Variants in WDFY2 observed in about 807,000 individuals in gnomAD.
The protein encoded by WDFY2 is WD repeat and FYVE domain-containing protein 2.
Under a neutral mutation model 56.4 loss-of-function variants are expected in WDFY2, and 36 were observed. The observed-to-expected ratio is 0.64, with a 90% confidence interval of 0.49 to 0.84. The LOEUF (loss-of-function observed/expected upper bound fraction) is 0.84, where lower values mean the gene tolerates loss of function less well. WDFY2 is among the 40% of genes least tolerant of loss of function. The probability of loss-of-function intolerance (pLI) is 0.00; values close to 1 mark genes in which losing one functional copy is unlikely to be tolerated. For synonymous variants in WDFY2, 176 were observed against 183.7 expected (o/e 0.96, Z 0.34); for missense variants, 444 against 512.2 (o/e 0.87, Z 1.29).
At position 51,727,662 on chromosome 13, in the gene WDFY2, A is replaced by G. The variant is rs1366222323; in HGVS notation, c.486-16A>G. 4.4e-6 allele frequency: 7 copies of G among 1,608,058 alleles called. No homozygotes were observed. The highest frequency in any genetic ancestry group is 5.9e-6 in the Non-Finnish European group (7 of 1,176,748). ...CATTTAATTTTGAGAAACAATCCTT[A>G]ATGCTTTCATGACAGATTTGATGTT... On this transcript the variant is annotated splice_polypyrimidine_tract_variant and intron_variant, in intron 5 of 11. Coordinates refer to ENST00000298125, the MANE Select transcript of WDFY2 (RefSeq NM_052950.4).
In WDFY2 at chr13:51,727,761, C is replaced by T. The variant is rs762707201; in HGVS notation, c.569C>T (p.Thr190Ile). ...TILKLEQENCTLVTTFRGHTG... is the reference protein window; with the variant it reads ...TILKLEQENCILVTTFRGHTG... ...CTCAAACTGGAGCAAGAAAACTGCA[C>T]CCTGGTCACAACATTCAGAGGACAC... is the stretch of plus-strand genomic sequence containing the variant. The change falls in exon 6 of 12, where the codon ACC becomes ATC. Residue 190 changes from threonine to isoleucine, a missense_variant. Thr to Ile is a moderately conservative substitution (Grantham distance 89). Coordinates refer to ENST00000298125, the MANE Select transcript of WDFY2 (RefSeq NM_052950.4). The T allele has an allele frequency of 6.2e-7, 1 of 1,614,148 alleles. No individual in the cohort carries two copies. Among genetic ancestry groups the T allele is most frequent in the African/African-American group, 1.3e-5 (1 of 75,046 alleles).
chr13:51,731,274 G>T (rs1952717643), intron 6 of WDFY2, among the ~76,000 whole-genome samples: 1 of 152,160 alleles, frequency 6.6e-6, no homozygotes, highest in South Asian at 2.1e-4. Flanking sequence ...TGTGAGTTTT[G>T]TATTGTTGCC....
chr13:51,655,624 A>G (rs778451929), intron 1 of WDFY2, among the ~76,000 whole-genome samples: 3 of 152,150 alleles, frequency 2.0e-5, no homozygotes, highest in African/African-American at 7.2e-5. Context: ...ATCTGTCTTC[A>G]TGAAGATTTA....
intron 1 of WDFY2, among the ~76,000 whole-genome samples, chr13:51,623,159 T>C (rs1954771441): frequency 6.6e-6 from 1 of 151,924 alleles, no homozygotes; most frequent in African/African-American, 2.4e-5. Flanking sequence ...TGCATGGCCT[T>C]AACTGTACAC....
At position 51,602,116 on chromosome 13, in the gene WDFY2, G is replaced by A. The variant is rs566755643; in HGVS notation, c.137+17292G>A. On this transcript the variant is annotated intron_variant, in intron 1 of 11. Transcript: ENST00000298125. ...GAGGAAGTACTTAAGAACTGGGTGGGGCTTTTATCAGTGTGGCCTAACCAA... is the reference window on the plus strand; with the variant it reads ...GAGGAAGTACTTAAGAACTGGGTGGAGCTTTTATCAGTGTGGCCTAACCAA... Among the ~76,000 whole-genome samples, 4 of 152,270 alleles carry A rather than the reference G, an allele frequency of 2.6e-5. No individual in the cohort carries two copies. The South Asian group carries it at 8.3e-4, about 32-fold the overall frequency.
chr13:51,599,634 A>G (rs770608888), intron 1 of WDFY2, among the ~76,000 whole-genome samples: 2 of 152,368 alleles, frequency 1.3e-5, no homozygotes, highest in South Asian at 4.1e-4. Flanking sequence ...TTGGCCAGTC[A>G]GATGTTTCTC....
chr13:51,692,817 A>C (rs1038972136), intron 3 of WDFY2, among the ~76,000 whole-genome samples: 9 of 151,988 alleles, frequency 5.9e-5, no homozygotes, highest in Non-Finnish European at 7.4e-5. Flanking sequence ...GTGAATCCAT[A>C]TGGTCCTGGA....
chr13:51,727,348 T>G (rs1952625753), intron 5 of WDFY2, among the ~76,000 whole-genome samples: 1 of 152,252 alleles, frequency 6.6e-6, no homozygotes, highest in Non-Finnish European at 1.5e-5. Flanking sequence ...TGTTCTTATT[T>G]TCAGAGTATT....
chr13:51,666,828 T>A (rs533631621), intron 2 of WDFY2, among the ~76,000 whole-genome samples: 2 of 152,352 alleles, frequency 1.3e-5, no homozygotes, highest in Admixed American at 1.3e-4. Flanking sequence ...TGGTAGGTAA[T>A]ACATTAAATA....
chr13:51,619,531 A>G (rs1201467973), intron 1 of WDFY2, among the ~76,000 whole-genome samples: 1 of 152,232 alleles, frequency 6.6e-6, no homozygotes, highest in Non-Finnish European at 1.5e-5. Flanking sequence ...GGACTTTCAG[A>G]TACAACTGGG....
intron 4 of WDFY2, among the ~76,000 whole-genome samples, chr13:51,705,373 G>A (rs1952061648): frequency 6.6e-6 from 1 of 152,080 alleles, no homozygotes; most frequent in African/African-American, 2.4e-5. Context: ...CTGTTTTAAG[G>A]CACTAAGTTT....
At chr13:51,628,512 C>T (rs1954882021) in intron 1 of WDFY2, among the ~76,000 whole-genome samples, 1 of 152,272 alleles carries the variant, frequency 6.6e-6, no homozygotes, top group Non-Finnish European at 1.5e-5. Context: ...GCAGCTACAC[C>T]CAGGAGCACC....
At chr13:51,676,361 C>CA (rs1342516056) in intron 3 of WDFY2, among the ~76,000 whole-genome samples, 1 of 152,120 alleles carries the variant, frequency 6.6e-6, no homozygotes, top group Non-Finnish European at 1.5e-5. Flanking sequence ...GCTGGCCCCC[C>CA]GTGTCACCAC....
intron 6 of WDFY2, among the ~76,000 whole-genome samples, chr13:51,733,020 G>C (rs906512003): frequency 3.9e-5 from 6 of 152,106 alleles, no homozygotes; most frequent in African/African-American, 1.4e-4. Flanking sequence ...TTAAAGGGAG[G>C]CTTCCCAAAT....
intron 3 of WDFY2, among the ~76,000 whole-genome samples, chr13:51,694,975 G>A (rs1324628974): frequency 1.3e-5 from 2 of 152,058 alleles, no homozygotes; most frequent in African/African-American, 2.4e-5. Flanking sequence ...TGATCGCATC[G>A]GCTCCTGAGG....
intron 5 of WDFY2, 71 bp downstream of exon 5, chr13:51,719,419 G>A (rs570543182): frequency 6.7e-7 from 1 of 1,493,304 alleles, no homozygotes; most frequent in African/African-American, 1.4e-5. Context: ...TGAAATTTTG[G>A]GGTATGTGCA....
chr13:51,614,932 C>T (rs1454601636), intron 1 of WDFY2, among the ~76,000 whole-genome samples: 2 of 152,182 alleles, frequency 1.3e-5, no homozygotes, highest in East Asian at 3.8e-4. Flanking sequence ...AGTGCCTTAG[C>T]ACTCTGAGAG....
chr13:51,622,283 C>G (rs189856602), intron 1 of WDFY2, among the ~76,000 whole-genome samples: 19 of 152,306 alleles, frequency 1.2e-4, no homozygotes, highest in African/African-American at 4.3e-4. Context: ...CTCTCCCCCC[C>G]TCCTTTTTTT....
At position 51,675,183 on chromosome 13, in the gene WDFY2, C is replaced by T; in HGVS notation, c.219C>T (p.Cys73=). The change falls in exon 3 of 12, where the codon TGC becomes TGT. Residue 73 remains cysteine, a synonymous_variant. Coordinates refer to ENST00000298125, the MANE Select transcript of WDFY2 (RefSeq NM_052950.4). ...CATTTCTTTCAGCTCCATGTTCATG[C>T]ATGTCTTTTAACCCGGAAACAAGAA... ...VYHAMPSPCS[C]MSFNPETRRL... 1 of 1,613,894 alleles carries T rather than the reference C, an allele frequency of 6.2e-7. No individual in the cohort carries two copies. The highest frequency in any genetic ancestry group is 1.3e-5 in the African/African-American group (1 of 75,016).
Sources: gnomAD v4.1 joint callset for allele counts (sites outside exome capture counted in the v4.1 genomes callset) on GRCh38, gnomAD v4.1.1 for gene constraint, MANE v1.5 for transcripts, NCBI Gene and HGNC (gene_info 2026-07-23, HGNC 2026-07-21) for gene names.